CDH13: variants seen among roughly 807,000 people sequenced by gnomAD.
CDH13 encodes the protein cadherin-13.
In CDH13, 24 loss-of-function variants were observed where a neutral mutation model predicts 63.8. That is an observed-to-expected ratio of 0.38 (90% CI 0.27 to 0.53). CDH13 has a LOEUF of 0.53. Ranked by LOEUF, CDH13 falls within the 20% of genes least tolerant of loss-of-function variation. CDH13 has a pLI of 0.85. For missense variants in CDH13, 1,049 were observed against 903.1 expected (o/e 1.16, Z -2.07); for synonymous variants, 503 against 355.3 (o/e 1.42, Z -4.67).
At chr16:82,774,536 A>C (rs1225926522) in intron 1 of CDH13, among the ~76,000 whole-genome samples, 1 of 152,204 alleles carries the variant, frequency 6.6e-6, no homozygotes, top group East Asian at 1.9e-4. Flanking sequence ...CTTCAGAAAA[A>C]GAATTATTTC....
chr16:83,165,204 G>T (rs754240506), intron 4 of CDH13, among the ~76,000 whole-genome samples: 1 of 152,060 alleles, frequency 6.6e-6, no homozygotes, highest in Admixed American at 6.6e-5. Flanking sequence ...CCCTCCAAAC[G>T]TCAAGTGGGG....
chr16:83,326,003 A>G (rs2090351631), intron 5 of CDH13, among the ~76,000 whole-genome samples: 1 of 152,142 alleles, frequency 6.6e-6, no homozygotes. Context: ...AACCAAATGG[A>G]TTATCTATAC....
intron 4 of CDH13, among the ~76,000 whole-genome samples, chr16:83,153,285 T>TG (rs1289695749): frequency 1.3e-5 from 2 of 151,516 alleles, no homozygotes; most frequent in Admixed American, 6.6e-5. Flanking sequence ...GTTCCTGAGT[T>TG]GGGGGTCATA....
At chr16:83,436,163 G>C (rs912981449) in intron 6 of CDH13, among the ~76,000 whole-genome samples, 1 of 152,192 alleles carries the variant, frequency 6.6e-6, no homozygotes, top group Non-Finnish European at 1.5e-5. Context: ...CCCTGCTCTA[G>C]AAACTGCCAA....
intron 3 of CDH13, among the ~76,000 whole-genome samples, chr16:83,075,466 C>T (rs2032766408): frequency 6.6e-6 from 1 of 152,138 alleles, no homozygotes; most frequent in South Asian, 2.1e-4. Context: ...ATGTTCTTGA[C>T]CTAGAATGGC....
chr16:83,125,189 A>G (rs1032498224), intron 3 of CDH13, among the ~76,000 whole-genome samples, 196 bp from the exon 4 acceptor site: 2 of 152,224 alleles, frequency 1.3e-5, no homozygotes, highest in African/African-American at 4.8e-5. Flanking sequence ...GCTTAATGAT[A>G]GTTATAGTGA....
intron 1 of CDH13, among the ~76,000 whole-genome samples, chr16:82,830,927 TGTATCTTGTGTTATAATGGGCCTG>T (rs2038510593): frequency 6.6e-6 from 1 of 152,138 alleles, no homozygotes; most frequent in African/African-American, 2.4e-5. Context: ...TATATAAAAG[TGTATCTTGTGTTATAATGGGCCTG>T]GTATACAGAG....
intron 5 of CDH13, among the ~76,000 whole-genome samples, chr16:83,300,338 A>G (rs919650304): frequency 3.3e-5 from 5 of 152,228 alleles, no homozygotes; most frequent in African/African-American, 1.2e-4. Flanking sequence ...AAATATTTAC[A>G]TTTGCTAAAT....
chr16:83,127,684 G>A (rs2035871861), intron 4 of CDH13, among the ~76,000 whole-genome samples: 1 of 152,190 alleles, frequency 6.6e-6, no homozygotes, highest in Admixed American at 6.5e-5. Flanking sequence ...CCGGGATCAT[G>A]CCAGTGTACT....
chr16:83,094,948 G>T (rs2034121575), intron 3 of CDH13, among the ~76,000 whole-genome samples: 1 of 152,156 alleles, frequency 6.6e-6, no homozygotes, highest in Non-Finnish European at 1.5e-5. Flanking sequence ...TCATCATCCT[G>T]TGTACACCTT....
At chr16:83,045,575 C>G (rs1226670054) in intron 3 of CDH13, among the ~76,000 whole-genome samples, 1 of 143,066 alleles carries the variant, frequency 7.0e-6, no homozygotes, top group Non-Finnish European at 1.5e-5. Context: ...AGGCAGAGGT[C>G]ACAGTGATCC....
At chr16:82,715,460 A>G (rs2032297554) in intron 1 of CDH13, among the ~76,000 whole-genome samples, 1 of 152,180 alleles carries the variant, frequency 6.6e-6, no homozygotes, top group Non-Finnish European at 1.5e-5. Context: ...TCTTGAGACC[A>G]GAGCTACGTG....
At chr16:83,242,361 G>A (rs1232836502) in intron 5 of CDH13, among the ~76,000 whole-genome samples, 5 of 152,174 alleles carry the variant, frequency 3.3e-5, no homozygotes, top group African/African-American at 1.2e-4. Flanking sequence ...GTACTCTGAA[G>A]AATATAAGGA....
intron 6 of CDH13, among the ~76,000 whole-genome samples, chr16:83,449,677 G>C (rs1256970383): frequency 6.6e-6 from 1 of 152,160 alleles, no homozygotes; most frequent in Non-Finnish European, 1.5e-5. Flanking sequence ...TCATGGTGAA[G>C]ACAAGGATCT....
chr16:82,706,790 C>A (rs56030448), intron 1 of CDH13, among the ~76,000 whole-genome samples: 7,332 of 151,224 alleles, frequency 0.048, 377 homozygotes, highest in African/African-American at 0.13. Context: ...GGTGACAGAG[C>A]GAGACTCTGT....
chr16:83,300,663 T>C (rs2089712749), intron 5 of CDH13, among the ~76,000 whole-genome samples: 1 of 152,226 alleles, frequency 6.6e-6, no homozygotes, highest in Non-Finnish European at 1.5e-5. Context: ...CTTGTCAAGA[T>C]GAGACGTTAA....
chr16:83,675,894 A>AATTC (rs1011681907), intron 9 of CDH13, among the ~76,000 whole-genome samples: 190 of 152,294 alleles, frequency 1.2e-3, no homozygotes, highest in Admixed American at 4.6e-4. Context: ...AATTACAGTC[A>AATTC]ATTCATTCAT....
chr16:82,638,989 G>A (rs949823488), intron 1 of CDH13, among the ~76,000 whole-genome samples: 1 of 152,032 alleles, frequency 6.6e-6, no homozygotes, highest in African/African-American at 2.4e-5. Flanking sequence ...TTTTATATAC[G>A]ATGAGAAGAA....
Position 82,751,567 on chromosome 16 carries a change from G to A in CDH13, c.46-106795G>A, listed in dbSNP as rs564625511. Among the ~76,000 whole-genome samples, 299 of 152,218 alleles carry A rather than the reference G, an allele frequency of 2.0e-3. 1 individual carries two copies. The highest frequency in any genetic ancestry group is 6.8e-3 in the Middle Eastern group (2 of 292). On this transcript the variant is annotated intron_variant, in intron 1 of 13. Coordinates refer to ENST00000567109, the MANE Select transcript of CDH13 (RefSeq NM_001257.5). ...GTCAGGTGCATGTAACCCACATGCA[G>A]AATTATAGGACAGAGCCCCAGGTTC... is the stretch of plus-strand genomic sequence containing the variant.
Sources: allele counts gnomAD v4.1 joint callset (sites outside exome capture counted in the v4.1 genomes callset), GRCh38; gene constraint gnomAD v4.1.1; transcripts MANE v1.5; gene names NCBI Gene and HGNC (gene_info 2026-07-23, HGNC 2026-07-21).